Variants in WBP1L observed in about 807,000 individuals in gnomAD.
The protein encoded by WBP1L is WW domain binding protein 1-like.
Under a neutral mutation model 33.7 loss-of-function variants are expected in WBP1L, and 17 were observed. The ratio of observed to expected loss-of-function variants is 0.50; its 90% CI spans 0.34 to 0.76. The LOEUF is 0.76. Among genes scored for constraint, WBP1L ranks in the 30% least tolerant of loss-of-function variants. The pLI is 0.01. For synonymous variants in WBP1L, 173 were observed against 190.8 expected, an observed-to-expected ratio of 0.91 and a Z score of 0.77; for missense variants, 389 against 469.4, an observed-to-expected ratio of 0.83 and a Z score of 1.58.
chr10:102,808,376 T>G (rs1843770037), intron 2 of WBP1L, among the ~76,000 whole-genome samples: 2 of 152,186 alleles, frequency 1.3e-5, no homozygotes, highest in South Asian at 4.1e-4. Context: ...AAAAAAAAAT[T>G]TAAAAGCCTT....
chr10:102,798,752 A>C (rs1843609035), intron 2 of WBP1L, among the ~76,000 whole-genome samples: 1 of 152,210 alleles, frequency 6.6e-6, no homozygotes, highest in African/African-American at 2.4e-5. Flanking sequence ...GAGAGGTTGC[A>C]AGCCAAGCTA....
intron 2 of WBP1L, among the ~76,000 whole-genome samples, chr10:102,800,091 T>C (rs1843634070): frequency 6.6e-6 from 1 of 152,000 alleles, no homozygotes; most frequent in African/African-American, 2.4e-5. Context: ...TTAGAAGGGG[T>C]GGGGCTGAGA....
chr10:102,813,333 G>A lies in WBP1L; in HGVS notation c.*2G>A. On this transcript the variant is annotated 3_prime_UTR_variant, in exon 4 of 4. Transcript: ENST00000448841. ...CAGAGCAGCAGCTCCCCCAGCTAGA[G>A]CAGGTCCTGCCAGCACCCAGCAACT... 6.2e-7 allele frequency: 1 copy of A among 1,603,262 alleles called. No homozygotes were observed. Among genetic ancestry groups the A allele is most frequent in the Non-Finnish European group, 8.5e-7 (1 of 1,173,586 alleles).
At chr10:102,799,905 C>A (rs1843630764) in intron 2 of WBP1L, among the ~76,000 whole-genome samples, 1 of 152,184 alleles carries the variant, frequency 6.6e-6, no homozygotes, top group Non-Finnish European at 1.5e-5. Context: ...TTCCTCCAAA[C>A]AAGACCTCTC....
At chr10:102,765,639 GA>G (rs1167763526) in intron 1 of WBP1L, among the ~76,000 whole-genome samples, 1 of 152,212 alleles carries the variant, frequency 6.6e-6, no homozygotes, top group Non-Finnish European at 1.5e-5. Flanking sequence ...GAGGGATATG[GA>G]AGTGAACGTT....
chr10:102,779,563 A>T (rs1453889947), intron 1 of WBP1L, among the ~76,000 whole-genome samples: 1 of 152,076 alleles, frequency 6.6e-6, no homozygotes, highest in African/African-American at 2.4e-5. Context: ...CGGCCTCCCA[A>T]AGTGCTGGGA....
chr10:102,796,967 A>G (rs1238904059), intron 1 of WBP1L, among the ~76,000 whole-genome samples: 1 of 152,184 alleles, frequency 6.6e-6, no homozygotes, highest in Admixed American at 6.5e-5. Context: ...AATTTGGCAG[A>G]CAGCTAGATG....
intron 1 of WBP1L, among the ~76,000 whole-genome samples, chr10:102,791,225 C>T (rs751581521): frequency 1.4e-4 from 22 of 152,170 alleles, no homozygotes; most frequent in Non-Finnish European, 2.8e-4. Flanking sequence ...GTTTCTAGTT[C>T]CCGCTGTCGT....
At chr10:102,780,977 C>G (rs1843327263) in intron 1 of WBP1L, among the ~76,000 whole-genome samples, 1 of 152,146 alleles carries the variant, frequency 6.6e-6, no homozygotes, top group Non-Finnish European at 1.5e-5. Flanking sequence ...GGGATGATCC[C>G]TGATACTGGA....
At chr10:102,802,450 A>G (rs192082840) in intron 2 of WBP1L, among the ~76,000 whole-genome samples, 9 of 151,842 alleles carry the variant, frequency 5.9e-5, no homozygotes, top group Non-Finnish European at 1.0e-4. Context: ...AGTTGATTGA[A>G]TTTCCAGTGC....
At chr10:102,776,653 T>C (rs948014456) in intron 1 of WBP1L, among the ~76,000 whole-genome samples, 1 of 152,194 alleles carries the variant, frequency 6.6e-6, no homozygotes, top group Non-Finnish European at 1.5e-5. Flanking sequence ...TGACCAGTTC[T>C]GATTTTCCAT....
rs1345809883 is a variant in WBP1L, at chr10:102,797,844, C to G, written c.91-149C>G. ...GGCAATACAGGTGTGAGCCACCGCG[C>G]CTGGCCAAAGTTGATTTTCTTAATG... On this transcript the variant is annotated intron_variant, in intron 1 of 3. Transcript: ENST00000448841. 3 of 712,940 alleles carry G rather than the reference C, an allele frequency of 4.2e-6. No individual in the cohort carries two copies. The Admixed American group carries it at 8.0e-5, about 19-fold the overall frequency. 44.2% of individuals were successfully genotyped at this position (712,940 alleles called of 1,614,324 possible). A position where few individuals can be genotyped will look rare whatever the true frequency, so the allele number is the denominator to read the frequency against.
At chr10:102,752,612 C>G (rs1842936373) in intron 1 of WBP1L, among the ~76,000 whole-genome samples, 1 of 152,116 alleles carries the variant, frequency 6.6e-6, no homozygotes, top group Admixed American at 6.6e-5. Flanking sequence ...TTGCTTTGCT[C>G]CCAGTGAAAG....
At chr10:102,775,636 G>A (rs1843250577) in intron 1 of WBP1L, among the ~76,000 whole-genome samples, 1 of 152,234 alleles carries the variant, frequency 6.6e-6, no homozygotes, top group African/African-American at 2.4e-5. Context: ...CGAAAGGTCA[G>A]TGTCCAAGGT....
intron 1 of WBP1L, among the ~76,000 whole-genome samples, chr10:102,786,945 G>T (rs560450080): frequency 1.3e-5 from 2 of 152,352 alleles, no homozygotes; most frequent in South Asian, 4.1e-4. Flanking sequence ...AGCCCAGGGA[G>T]CTGGAGTCCA....
In WBP1L at chr10:102,762,112, C is replaced by A. The variant is rs556002031; in HGVS notation, c.90+17969C>A. 1.4e-4 allele frequency among the ~76,000 whole-genome samples: 22 copies of A among 152,254 alleles called. No homozygotes were observed. The East Asian group carries it at 2.9e-3, about 20-fold the overall frequency. On this transcript the variant is annotated intron_variant, in intron 1 of 3. Coordinates refer to ENST00000448841, the MANE Select transcript of WBP1L (RefSeq NM_001083913.2). ...AAGCATTCTTCCCACCTCAGCTTCC[C>A]AAAGTGCTAAGATTACAGACAGGAG...
At position 102,776,490 on chromosome 10, in the gene WBP1L, G is replaced by A. The variant is rs999449632; in HGVS notation, c.91-21503G>A. 7 of 1,598,170 alleles carry A rather than the reference G, an allele frequency of 4.4e-6. No individual in the cohort carries two copies. In the East Asian group the frequency reaches 6.7e-5, roughly 15 times the overall value. On this transcript the variant is annotated intron_variant, in intron 1 of 3. Transcript: ENST00000448841. ...AGCTTGTTTATTGTACTACTGCTTTGGGTGGAGGGAATATTTTAGCAAATG... is the reference window on the plus strand; with the variant it reads ...AGCTTGTTTATTGTACTACTGCTTTAGGTGGAGGGAATATTTTAGCAAATG...
rs1414303504 is a variant in WBP1L, at chr10:102,815,804, T to C, written c.*2473T>C. ...CCTTTCCCCAGTTAGAGTGGGGAAC[T>C]GGGCAAGTGTTAACTGTGGGACTCA... is the stretch of plus-strand genomic sequence containing the variant. On this transcript the variant is annotated 3_prime_UTR_variant, in exon 4 of 4. Coordinates refer to ENST00000448841, the MANE Select transcript of WBP1L (RefSeq NM_001083913.2). 2 of 152,260 alleles carry C rather than the reference T, an allele frequency of 1.3e-5. No individual in the cohort carries two copies. Among genetic ancestry groups the C allele is most frequent in the Non-Finnish European group, 2.9e-5 (2 of 68,054 alleles). 9.4% of individuals were successfully genotyped at this position (152,260 alleles called of 1,614,324 possible).
chr10:102,800,126 C>A (rs544470840), intron 2 of WBP1L, among the ~76,000 whole-genome samples: 26 of 152,284 alleles, frequency 1.7e-4, no homozygotes, highest in African/African-American at 6.3e-4. Flanking sequence ...CACACAGTGC[C>A]AAGCAGGTAG....
Sources: allele counts gnomAD v4.1 joint callset (sites outside exome capture counted in the v4.1 genomes callset), GRCh38; gene constraint gnomAD v4.1.1; transcripts MANE v1.5; gene names NCBI Gene and HGNC (gene_info 2026-07-23, HGNC 2026-07-21).